MTMR7: variants seen among roughly 807,000 people sequenced by gnomAD.
MTMR7 encodes phosphatidylinositol-3-phosphate phosphatase MTMR7.
Under a neutral mutation model 81.2 loss-of-function variants are expected in MTMR7, and 76 were observed. The ratio of observed to expected loss-of-function variants is 0.94; its 90% CI spans 0.78 to 1.13. The LOEUF is 1.13. Among genes scored for constraint, MTMR7 ranks in the 50% most tolerant of loss-of-function variants. The pLI, the probability that MTMR7 is intolerant of heterozygous loss-of-function variation, is 0.00. For synonymous variants in MTMR7, 372 were observed against 289.8 expected (o/e 1.28, Z -2.88); for missense variants, 1,044 against 820.0 (o/e 1.27, Z -3.34).
Position 17,304,346 on chromosome 8 carries a change from C to A in MTMR7, c.1493+33G>T, listed in dbSNP as rs917678233. 8 of 1,598,002 alleles carry A rather than the reference C, an allele frequency of 5.0e-6. No individual in the cohort carries two copies. The African/African-American group carries it at 8.0e-5, about 16-fold the overall frequency. ...AACGGTACCAGAATCCAAGTTCATACCATGGCTACAAAGTTACCAAGGATT... is the reference window on the plus strand; with the variant it reads ...AACGGTACCAGAATCCAAGTTCATAACATGGCTACAAAGTTACCAAGGATT... On this transcript the variant is annotated intron_variant, in intron 12 of 13. Transcript: ENST00000180173.
At chr8:17,387,661 G>C (rs1018050310) in intron 1 of MTMR7, among the ~76,000 whole-genome samples, 3 of 152,186 alleles carry the variant, frequency 2.0e-5, no homozygotes, top group Admixed American at 6.5e-5. Context: ...GGAGGTACTT[G>C]GGGTACTTGA....
chr8:17,304,768 T>TG (rs1563315402), intron 11 of MTMR7, among the ~76,000 whole-genome samples: 3 of 147,512 alleles, frequency 2.0e-5, no homozygotes, highest in African/African-American at 4.9e-5. Flanking sequence ...TGTGTGTGTG[T>TG]TAAGCTGTTC....
chr8:17,331,916 A>G (rs1225752085), intron 6 of MTMR7, among the ~76,000 whole-genome samples: 1 of 152,164 alleles, frequency 6.6e-6, no homozygotes, highest in African/African-American at 2.4e-5. Flanking sequence ...CACTTTCATT[A>G]TTATAATTTT....
chr8:17,373,665 T>C (rs995205615), intron 1 of MTMR7, among the ~76,000 whole-genome samples: 1 of 152,216 alleles, frequency 6.6e-6, no homozygotes, highest in Non-Finnish European at 1.5e-5. Context: ...TTCTAGCTTG[T>C]AGAAATGGCC....
chr8:17,306,902 G>A (rs1291590951), intron 10 of MTMR7, among the ~76,000 whole-genome samples: 1 of 143,756 alleles, frequency 7.0e-6, no homozygotes, highest in African/African-American at 2.7e-5. Flanking sequence ...ATGGATTAAA[G>A]ACTTAAACGT....
intron 1 of MTMR7, among the ~76,000 whole-genome samples, chr8:17,409,286 C>T (rs1254402273): frequency 6.6e-6 from 1 of 152,066 alleles, no homozygotes; most frequent in African/African-American, 2.4e-5. Flanking sequence ...TAGTGAAACC[C>T]CTGTCTCTAC....
intron 1 of MTMR7, among the ~76,000 whole-genome samples, chr8:17,402,902 G>C (rs1821470488): frequency 1.3e-5 from 2 of 152,128 alleles, no homozygotes; most frequent in Admixed American, 1.3e-4. Flanking sequence ...ATCCTTGCCA[G>C]CATTTGTTAT....
intron 11 of MTMR7, among the ~76,000 whole-genome samples, 177 bp downstream of exon 11, chr8:17,305,580 G>A (rs117445864): frequency 2.6e-5 from 4 of 152,234 alleles, no homozygotes; most frequent in Non-Finnish European, 5.9e-5. Flanking sequence ...TCTGTCAGTT[G>A]ATGACATTTA....
At chr8:17,301,526 A>G (rs1404612246) in intron 13 of MTMR7, 1 of 152,290 alleles carries the variant, frequency 6.6e-6, no homozygotes, top group East Asian at 1.9e-4. Context: ...AAAATCTCAA[A>G]TGCCAGCCTA....
At chr8:17,355,872 T>C (rs1465967511) in intron 4 of MTMR7, among the ~76,000 whole-genome samples, 1 of 152,064 alleles carries the variant, frequency 6.6e-6, no homozygotes, top group Non-Finnish European at 1.5e-5. Flanking sequence ...AAAAACCACA[T>C]CGAGATCCAA....
intron 1 of MTMR7, among the ~76,000 whole-genome samples, chr8:17,375,112 G>C (rs28582503): frequency 0.25 from 37,241 of 151,942 alleles, 5,550 homozygotes; most frequent in East Asian, 0.72. Flanking sequence ...ATAATAGGAG[G>C]TGTGGTCCTG....
At chr8:17,360,973 G>T (rs1390768762) in intron 4 of MTMR7, 144 bp downstream of exon 4, 1 of 851,838 alleles carries the variant, frequency 1.2e-6, no homozygotes, top group Non-Finnish European at 1.8e-6. Flanking sequence ...AATACAGCTG[G>T]CACTAACCAA....
intron 4 of MTMR7, among the ~76,000 whole-genome samples, chr8:17,353,399 T>C (rs1316593353): frequency 1.3e-5 from 2 of 152,168 alleles, no homozygotes; most frequent in Non-Finnish European, 2.9e-5. Context: ...TCCTAAACTA[T>C]ACCTTAAAAA....
chr8:17,303,913 A>T (rs140625612), intron 12 of MTMR7, among the ~76,000 whole-genome samples: 1 of 152,342 alleles, frequency 6.6e-6, no homozygotes, highest in Non-Finnish European at 1.5e-5. Flanking sequence ...TACTTCCAGT[A>T]GGACTTAATT....
intron 4 of MTMR7, among the ~76,000 whole-genome samples, chr8:17,360,273 G>A (rs1354692393): frequency 6.6e-6 from 1 of 151,980 alleles, no homozygotes; most frequent in Admixed American, 6.6e-5. Flanking sequence ...GAAGACTATT[G>A]GCCAGATATA....
chr8:17,349,387 C>A (rs1819658483), intron 4 of MTMR7: 1 of 221,962 alleles, frequency 4.5e-6, no homozygotes, highest in Non-Finnish European at 9.1e-6. Context: ...CAAAAAGAGA[C>A]AAACTGCCAT....
At chr8:17,334,681 C>A (rs1244071592) in intron 6 of MTMR7, among the ~76,000 whole-genome samples, 6 of 152,228 alleles carry the variant, frequency 3.9e-5, no homozygotes, top group African/African-American at 1.4e-4. Flanking sequence ...GAAGCTGTTC[C>A]TGTTGCCTTC....
At chr8:17,301,108 T>C (rs1046507973) in intron 13 of MTMR7, among the ~76,000 whole-genome samples, 1 of 152,246 alleles carries the variant, frequency 6.6e-6, no homozygotes, top group African/African-American at 2.4e-5. Context: ...AGATCAAGTA[T>C]TATGTATTCA....
intron 3 of MTMR7, among the ~76,000 whole-genome samples, chr8:17,363,714 C>A (rs937775474): frequency 6.6e-6 from 1 of 152,036 alleles, no homozygotes; most frequent in African/African-American, 2.4e-5. Context: ...TCAATATGGG[C>A]AAGCTTCTTA....
Sources: gnomAD v4.1 joint callset for allele counts (sites outside exome capture counted in the v4.1 genomes callset) on GRCh38, gnomAD v4.1.1 for gene constraint, MANE v1.5 for transcripts, NCBI Gene and HGNC (gene_info 2026-07-23, HGNC 2026-07-21) for gene names.